Variants in TACC2 observed in about 807,000 individuals in gnomAD.
TACC2 encodes transforming acidic coiled-coil containing protein 2.
TACC2 carries 137 observed loss-of-function variants against 227.3 expected under a neutral mutation model. The observed-to-expected ratio is 0.60, with a 90% CI of 0.52 to 0.69. TACC2 has a LOEUF of 0.69. Among genes scored for constraint, TACC2 ranks in the 30% least tolerant of loss-of-function variants. The pLI, the probability that TACC2 is intolerant of heterozygous loss-of-function variation, is 0.00. For synonymous variants in TACC2, 1,523 were observed against 1,487.5 expected (o/e 1.02, Z -0.55); for missense variants, 3,470 against 3,694.4 (o/e 0.94, Z 1.57).
chr10:121,990,815 A>T (rs4752629), intron 1 of TACC2, among the ~76,000 whole-genome samples: 93,577 of 151,920 alleles, frequency 0.62, 29,200 homozygotes, highest in African/African-American at 0.68. Context: ...TGAGACAGGG[A>T]CTCGCTGTGT....
At chr10:122,062,284 C>T (rs560344291) in intron 3 of TACC2, among the ~76,000 whole-genome samples, 4 of 152,134 alleles carry the variant, frequency 2.6e-5, no homozygotes, top group South Asian at 2.1e-4. Context: ...CTGCCCGCCT[C>T]GGCCTCCCAA....
Position 122,085,628 on chromosome 10 carries a change from C to T in TACC2, c.3128C>T (p.Ala1043Val). 2 of 1,613,396 alleles carry T rather than the reference C, an allele frequency of 1.2e-6. No homozygotes were observed. Among genetic ancestry groups the T allele is most frequent in the East Asian group, 4.5e-5 (2 of 44,872 alleles). The change falls in exon 4 of 23, where the codon GCC becomes GTC. Residue 1043 changes from alanine to valine, a missense_variant. This residue lies in a region of TACC2 where 1,924 missense variants were observed against 1,978.3 expected (regional missense o/e 0.97). Coordinates refer to ENST00000369005, the MANE Select transcript of TACC2 (RefSeq NM_206862.4). ...REMASGNTGE[A>V]PPCQPDSVAL... Reference sequence around the variant, plus strand: ...ATGGCAAGTGGAAACACAGGGGAGGCCCCACCTTGTCAGCCTGACTCAGTA... The same window carrying T: ...ATGGCAAGTGGAAACACAGGGGAGGTCCCACCTTGTCAGCCTGACTCAGTA...
At chr10:122,088,095 A>G in intron 4 of TACC2, 136 bp downstream of exon 4, 1 of 940,196 alleles carries the variant, frequency 1.1e-6, no homozygotes, top group African/African-American at 1.7e-5. Flanking sequence ...TGCTAAATGA[A>G]CCTGCTTACC....
chr10:122,031,407 T>C (rs1358283348), intron 2 of TACC2, among the ~76,000 whole-genome samples: 1 of 142,634 alleles, frequency 7.0e-6, no homozygotes, highest in Non-Finnish European at 1.5e-5. Context: ...CTTTTTTTTT[T>C]TTTTTTTTTT....
chr10:122,187,496 CT>C (rs954935666), intron 7 of TACC2, among the ~76,000 whole-genome samples: 10 of 149,924 alleles, frequency 6.7e-5, no homozygotes, highest in Non-Finnish European at 1.3e-4. Flanking sequence ...TTCTTTCTTT[CT>C]TTTTTTTTTC....
intron 1 of TACC2, among the ~76,000 whole-genome samples, chr10:122,015,855 C>T (rs189386622): frequency 1.1e-4 from 16 of 152,122 alleles, no homozygotes; most frequent in South Asian, 2.1e-4. Context: ...AACATCCTTT[C>T]CTCTTCCTTC....
chr10:122,085,868 A>G lies in TACC2; in HGVS notation c.3368A>G (p.Gln1123Arg), dbSNP rs925749060. 7.4e-6 allele frequency: 12 copies of G among 1,613,298 alleles called. No homozygotes were observed. Among genetic ancestry groups the G allele is most frequent in the Non-Finnish European group, 1.0e-5 (12 of 1,179,666 alleles). The change falls in exon 4 of 23, where the codon CAA (glutamine) becomes CGA (arginine). Residue 1123 changes from glutamine to arginine, a missense_variant. Gln to Arg is a conservative substitution (Grantham distance 43, BLOSUM62 1). Around this residue, in one of 10 missense-constraint regions of TACC2, gnomAD observed 1,924 missense variants for 1,978.3 expected, o/e 0.97. Transcript: ENST00000369005. ...GCAAGTTTCCCATCAGCTGGGGAGC[A>G]AGGTGGTGAAGCCGGGGCTGCTGAG... ...LLASFPSAGE[Q>R]GGEAGAAETG...
chr10:122,026,260 G>A (rs1442454178), intron 2 of TACC2, among the ~76,000 whole-genome samples: 24 of 145,296 alleles, frequency 1.7e-4, no homozygotes, highest in Admixed American at 1.4e-3. Flanking sequence ...CCCGGGAGGC[G>A]GAGCTTGCAG....
At chr10:122,056,767 G>A (rs1200772510) in intron 3 of TACC2, among the ~76,000 whole-genome samples, 17 of 152,192 alleles carry the variant, frequency 1.1e-4, no homozygotes, top group Admixed American at 2.6e-4. Flanking sequence ...CCCAGGTGGT[G>A]ACGTTCACTG....
chr10:122,157,259 C>T (rs561311818), intron 7 of TACC2, among the ~76,000 whole-genome samples: 56 of 152,250 alleles, frequency 3.7e-4, no homozygotes, highest in Non-Finnish European at 7.2e-4. Context: ...GAAACTTGAG[C>T]GGTGGGGACC....
chr10:122,200,366 T>C (rs1474644267), intron 8 of TACC2, among the ~76,000 whole-genome samples: 2 of 151,936 alleles, frequency 1.3e-5, no homozygotes, highest in African/African-American at 4.8e-5. Flanking sequence ...CGACCTCACC[T>C]GCCCACAGTG....
chr10:122,100,571 G>A (rs994358340), intron 5 of TACC2, among the ~76,000 whole-genome samples: 1 of 151,758 alleles, frequency 6.6e-6, no homozygotes, highest in Non-Finnish European at 1.5e-5. Context: ...TTACAGGCAC[G>A]CACCACCACA....
chr10:122,242,985 C>G (rs1055459592), intron 19 of TACC2, among the ~76,000 whole-genome samples: 3 of 152,226 alleles, frequency 2.0e-5, no homozygotes, highest in African/African-American at 7.2e-5. Context: ...GTTCTGTCAC[C>G]CAGGCTGGAG....
At position 122,053,396 on chromosome 10, in the gene TACC2, G is replaced by A. The variant is rs1044473340; in HGVS notation, c.146+2846G>A. Among the ~76,000 whole-genome samples, 10 of 151,976 alleles carry A rather than the reference G, an allele frequency of 6.6e-5. 2 individuals are homozygous for A. Among genetic ancestry groups the A allele is most frequent in the Admixed American group, 2.0e-4 (3 of 15,262 alleles). ...TCAGTCACCCCCCCAGGTCCCTCCC[G>A]CAACACGTGGGAATTCAAGATGAGA... On this transcript the variant is annotated intron_variant, in intron 3 of 22. Transcript: ENST00000369005.
intron 8 of TACC2, among the ~76,000 whole-genome samples, chr10:122,207,296 C>A (rs876442): frequency 0.56 from 81,198 of 144,864 alleles, 22,502 homozygotes; most frequent in East Asian, 0.82. Context: ...GGGACTATTT[C>A]AAAAAAAAAA....
At chr10:122,106,380 T>C (rs554886390) in intron 5 of TACC2, among the ~76,000 whole-genome samples, 47 of 152,330 alleles carry the variant, frequency 3.1e-4, no homozygotes, top group South Asian at 1.0e-3. Context: ...CAGAGGGTGA[T>C]TGCAGATGCT....
intron 5 of TACC2, among the ~76,000 whole-genome samples, chr10:122,115,071 C>T (rs1270402361): frequency 6.6e-6 from 1 of 152,226 alleles, no homozygotes; most frequent in East Asian, 1.9e-4. Flanking sequence ...TTCTCTGCGC[C>T]AAGTCCTGCG....
chr10:122,146,763 TA>T (rs368041509), intron 7 of TACC2, among the ~76,000 whole-genome samples: 12 of 152,290 alleles, frequency 7.9e-5, no homozygotes, highest in African/African-American at 2.9e-4. Context: ...ACTAATACAA[TA>T]GTTGATTCAC....
intron 22 of TACC2, 134 bp from the exon 23 acceptor site, chr10:122,253,857 C>G (rs754160811): frequency 1.5e-6 from 1 of 682,836 alleles, no homozygotes; most frequent in Non-Finnish European, 2.6e-6. Context: ...TTGTTTGGCT[C>G]CAAGTCATTT....
Sources: allele counts gnomAD v4.1 joint callset (sites outside exome capture counted in the v4.1 genomes callset), GRCh38; gene constraint gnomAD v4.1.1; regional missense constraint gnomAD v4.1.1; transcripts MANE v1.5; gene names NCBI Gene and HGNC (gene_info 2026-07-23, HGNC 2026-07-21).